The following CCDC117 variants were observed in gnomAD, a reference collection of about 807,000 sequenced individuals.
CCDC117 encodes coiled-coil domain containing 117, also known as coiled-coil domain-containing protein 117.
In CCDC117, 1 loss-of-function variant was observed where a neutral mutation model predicts 23.5. The ratio of observed to expected loss-of-function variants is 0.04; its 90% CI spans 0.02 to 0.20. The LOEUF is 0.20. Ranked by LOEUF, CCDC117 falls within the 10% of genes least tolerant of loss-of-function variation. The probability of loss-of-function intolerance (pLI) is 1.00; values close to 1 mark genes in which losing one functional copy is unlikely to be tolerated. For synonymous variants in CCDC117, 132 were observed against 124.8 expected (o/e 1.06, Z -0.39); for missense variants, 383 against 348.2 (o/e 1.10, Z -0.80).
chr22:28,775,027 G>T (rs893985091), intron 2 of CCDC117, among the ~76,000 whole-genome samples: 3 of 152,194 alleles, frequency 2.0e-5, no homozygotes, highest in Non-Finnish European at 2.9e-5. Flanking sequence ...ACTTTGGGAG[G>T]CTGAGAAGGG....
At chr22:28,779,263 G>A (rs368677460) in intron 2 of CCDC117, among the ~76,000 whole-genome samples, 3 of 151,948 alleles carry the variant, frequency 2.0e-5, no homozygotes, top group Non-Finnish European at 4.4e-5. Flanking sequence ...GTGCAGTGAC[G>A]CAATCTTGGC....
intron 2 of CCDC117, 65 bp downstream of exon 2, chr22:28,773,843 A>T: frequency 8.0e-7 from 1 of 1,252,996 alleles, no homozygotes; most frequent in Admixed American, 1.7e-5. Context: ...TTATAGTCTA[A>T]ATTACTTAAG....
rs781565758 is a variant in CCDC117, at chr22:28,783,514, TGATGAA to T, written c.480_485del (p.Asp160_Glu161del). ...GCTGCCTTAATTGATTTAGGATAAT[TGATGAA>T]GATGAAGAAGTTGAAGCTGACAGAA... On this transcript the variant is annotated inframe_deletion, in exon 4 of 5. Coordinates refer to ENST00000249064, the MANE Select transcript of CCDC117 (RefSeq NM_173510.4). 1.4e-5 allele frequency: 22 copies of T among 1,612,968 alleles called. No individual in the cohort carries two copies. Among genetic ancestry groups the T allele is most frequent in the Admixed American group, 6.7e-5 (4 of 59,824 alleles).
In CCDC117 at chr22:28,789,122, A is replaced by AT. The variant is rs1272602964; in HGVS notation, c.*2797dup. ...GGCTGGAACCATAAGAAGAATGTTT[A>AT]TCAGCACGTTCATTTATTATTTTGG... On this transcript the variant is annotated 3_prime_UTR_variant, in exon 5 of 5. Transcript: ENST00000249064. 4 of 152,086 alleles carry AT rather than the reference A, an allele frequency of 2.6e-5. No individual in the cohort carries two copies. Among genetic ancestry groups the AT allele is most frequent in the African/African-American group, 9.7e-5 (4 of 41,382 alleles). The allele number at this position is 152,086 out of a possible 1,614,324, so 9.4% of individuals were successfully genotyped here.
chr22:28,773,526 G>A (rs1017052352), intron 1 of CCDC117, 199 bp from the exon 2 acceptor site: 4 of 596,924 alleles, frequency 6.7e-6, no homozygotes, highest in African/African-American at 5.6e-5. Flanking sequence ...AAAAGGACAA[G>A]TTGAGATTTC....
intron 2 of CCDC117, among the ~76,000 whole-genome samples, chr22:28,776,523 C>T (rs922166095): frequency 9.9e-5 from 15 of 151,532 alleles, no homozygotes; most frequent in Non-Finnish European, 1.2e-4. Flanking sequence ...CAGGTTCAAG[C>T]GATTCTCCTG....
rs1458158413 is a variant in CCDC117 at position 28,787,951 on chromosome 22, A to G, written c.*1625A>G. ...AGGCGTTTTTGGAACCCTTACTGAAATCCCTCCCCTTGTTACAGATGGCGT... is the reference window on the plus strand; with the variant it reads ...AGGCGTTTTTGGAACCCTTACTGAAGTCCCTCCCCTTGTTACAGATGGCGT... On this transcript the variant is annotated 3_prime_UTR_variant, in exon 5 of 5. Coordinates refer to ENST00000249064, the MANE Select transcript of CCDC117 (RefSeq NM_173510.4). The G allele has an allele frequency of 1.3e-5, 2 of 152,630 alleles. No homozygotes were observed. The highest frequency in any genetic ancestry group is 3.4e-3 in the Middle Eastern group (1 of 294). The allele number at this position is 152,630 out of a possible 1,614,324, so 9.5% of individuals were successfully genotyped here.
chr22:28,774,842 G>C (rs995241630), intron 2 of CCDC117, among the ~76,000 whole-genome samples: 1 of 152,066 alleles, frequency 6.6e-6, no homozygotes, highest in African/African-American at 2.4e-5. Context: ...GGAGTGCAGT[G>C]GCTGTGTTTT....
At chr22:28,779,360 G>A (rs1469301791) in intron 2 of CCDC117, among the ~76,000 whole-genome samples, 1 of 150,698 alleles carries the variant, frequency 6.6e-6, no homozygotes, top group Non-Finnish European at 1.5e-5. Context: ...GTGCCACTGC[G>A]CCCAGCTTTT....
chr22:28,782,680 G>A (rs991444899), intron 3 of CCDC117, among the ~76,000 whole-genome samples: 21 of 150,962 alleles, frequency 1.4e-4, no homozygotes, highest in African/African-American at 5.1e-4. Flanking sequence ...CTTGTGGTCC[G>A]CCTGCCTCTG....
chr22:28,780,302 A>G (rs1359757348), intron 2 of CCDC117, among the ~76,000 whole-genome samples: 1 of 152,212 alleles, frequency 6.6e-6, no homozygotes, highest in Non-Finnish European at 1.5e-5. Flanking sequence ...GAAGGGGACC[A>G]AGAAATTAAT....
Position 28,786,124 on chromosome 22 carries a change from C to T in CCDC117, c.638C>T (p.Pro213Leu). Residue 213 changes from proline to leucine, a missense_variant, in exon 5 of 5, where the codon CCC (proline) becomes CTC (leucine). Physicochemically the swap from Pro to Leu is moderately conservative, Grantham distance 98 (BLOSUM62 -3). Transcript: ENST00000249064. The part of the protein sequence containing the change: ...RPSMELVLWK[P>L]LPELLSDKPK... ...TCCATGGAGCTTGTTCTCTGGAAACCCCTCCCTGAACTCCTTTCTGATAAG... is the reference window on the plus strand; with the variant it reads ...TCCATGGAGCTTGTTCTCTGGAAACTCCTCCCTGAACTCCTTTCTGATAAG... 6.2e-7 allele frequency: 1 copy of T among 1,613,590 alleles called. No individual in the cohort carries two copies. Among genetic ancestry groups the T allele is most frequent in the Non-Finnish European group, 8.5e-7 (1 of 1,179,868 alleles).
chr22:28,773,628 G>A, intron 1 of CCDC117, 97 bp from the exon 2 acceptor site: 1 of 964,560 alleles, frequency 1.0e-6, no homozygotes, highest in Non-Finnish European at 1.6e-6. Flanking sequence ...CGTTTGGTAT[G>A]TGGGGATGAG....
At chr22:28,781,706 C>T (rs2031341893) in intron 3 of CCDC117, among the ~76,000 whole-genome samples, 1 of 151,016 alleles carries the variant, frequency 6.6e-6, no homozygotes, top group South Asian at 2.1e-4. Flanking sequence ...TGCAGTGGTG[C>T]CATCTTGGCT....
chr22:28,783,045 G>GT (rs983204021), intron 3 of CCDC117, among the ~76,000 whole-genome samples: 21 of 151,406 alleles, frequency 1.4e-4, no homozygotes, highest in Non-Finnish European at 2.5e-4. Flanking sequence ...TCTGAGTATA[G>GT]TTTTTTTTTG....
chr22:28,772,814 C>T lies in CCDC117; in HGVS notation c.-36C>T. ...TGCCGGGCCTGGGGACGCGGGCGGC[C>T]GAGGCCGCCGTCGCAGCCTCCTCGT... is the stretch of plus-strand genomic sequence containing the variant. On this transcript the variant is annotated 5_prime_UTR_variant, in exon 1 of 5. Coordinates refer to ENST00000249064, the MANE Select transcript of CCDC117 (RefSeq NM_173510.4). 3.3e-6 allele frequency: 4 copies of T among 1,219,456 alleles called. No individual in the cohort carries two copies. Among genetic ancestry groups the T allele is most frequent in the Non-Finnish European group, 4.1e-6 (4 of 979,560 alleles). The allele number at this position is 1,219,456 out of a possible 1,614,324, so 75.5% of individuals were successfully genotyped here. A position where few individuals can be genotyped will look rare whatever the true frequency, so the allele number is the denominator to read the frequency against.
At chr22:28,777,061 A>G (rs1393221062) in intron 2 of CCDC117, among the ~76,000 whole-genome samples, 2 of 124,906 alleles carry the variant, frequency 1.6e-5, no homozygotes, top group Admixed American at 8.8e-5. Context: ...TTGAGATGGC[A>G]TCTTGCTCTG....
chr22:28,775,214 T>C (rs1440754899), intron 2 of CCDC117, among the ~76,000 whole-genome samples: 1 of 152,134 alleles, frequency 6.6e-6, no homozygotes, highest in African/African-American at 2.4e-5. Context: ...TGAGCCAAGA[T>C]TGCGCCATTG....
intron 4 of CCDC117, 106 bp downstream of exon 4, chr22:28,783,751 C>A (rs2347447): frequency 0.35 from 366,867 of 1,052,792 alleles, 70,607 homozygotes; most frequent in East Asian, 0.68. Flanking sequence ...TCTCCTGATC[C>A]CCAGGCAATT....
Sources: gnomAD v4.1 joint callset for allele counts (sites outside exome capture counted in the v4.1 genomes callset) on GRCh38, gnomAD v4.1.1 for gene constraint, MANE v1.5 for transcripts, NCBI Gene and HGNC (gene_info 2026-07-23, HGNC 2026-07-21) for gene names.